LRP5: variants seen among roughly 807,000 people sequenced by gnomAD.
LRP5 encodes LDL receptor related protein 5.
LRP5 carries 62 observed loss-of-function variants against 154.1 expected under a neutral mutation model. That is an observed-to-expected ratio of 0.40 (90% CI 0.33 to 0.50). The LOEUF (loss-of-function observed/expected upper bound fraction) is 0.50, where lower values mean the gene tolerates loss of function less well. Ranked by LOEUF, LRP5 falls within the 20% of genes least tolerant of loss-of-function variation. LRP5 has a pLI of 0.55. For missense variants in LRP5, 1,915 were observed against 2,336.7 expected, an observed-to-expected ratio of 0.82 and a Z score of 3.72; for synonymous variants, 966 against 1,011.5, an observed-to-expected ratio of 0.96 and a Z score of 0.85.
At chr11:68,330,131 G>A (rs1591181779) in intron 1 of LRP5, among the ~76,000 whole-genome samples, 1 of 152,302 alleles carries the variant, frequency 6.6e-6, no homozygotes, top group East Asian at 1.9e-4. Context: ...GTGTGCACGT[G>A]TGTGTGCATG....
At chr11:68,364,079 C>G (rs2098629564) in intron 4 of LRP5, 136 bp downstream of exon 4, 1 of 566,876 alleles carries the variant, frequency 1.8e-6, no homozygotes, top group African/African-American at 2.0e-5. Flanking sequence ...TGACCCCTCC[C>G]TGCAGAAGCC....
intron 5 of LRP5, among the ~76,000 whole-genome samples, chr11:68,367,557 CAG>C (rs2098631755): frequency 6.6e-6 from 1 of 152,216 alleles, no homozygotes; most frequent in Admixed American, 6.5e-5. Context: ...TTGGCCTTCT[CAG>C]AGTTTGTTTT....
chr11:68,433,954 GGAGATTGCCAA>G lies in LRP5; in HGVS notation c.4000+118_4000+128del, dbSNP rs1315538200. 3.0e-6 allele frequency: 3 copies of G among 999,268 alleles called. No individual in the cohort carries two copies. The Admixed American group carries it at 6.0e-5, about 20-fold the overall frequency. 61.9% of individuals were successfully genotyped at this position (999,268 alleles called of 1,614,324 possible). ...GGGCTCTGAAAACCTTTGCTTGCAG[GGAGATTGCCAA>G]GTCTGTCTTTTAGGCCCAACAAGGA... is the stretch of plus-strand genomic sequence containing the variant. On this transcript the variant is annotated intron_variant, in intron 18 of 22. Transcript: ENST00000294304.
At chr11:68,338,866 A>ATTT (rs2098607158) in intron 1 of LRP5, among the ~76,000 whole-genome samples, 1 of 74,360 alleles carries the variant, frequency 1.3e-5, no homozygotes, top group Non-Finnish European at 2.6e-5. Context: ...GCTTTTGTTT[A>ATTT]GTTTTTTTTT....
intron 1 of LRP5, among the ~76,000 whole-genome samples, chr11:68,324,841 G>T (rs1202748034): frequency 1.3e-5 from 2 of 152,178 alleles, no homozygotes; most frequent in Admixed American, 6.5e-5. Flanking sequence ...CCTGGGTTGG[G>T]CATGACTGAC....
At chr11:68,355,866 A>G (rs2098622756) in intron 2 of LRP5, among the ~76,000 whole-genome samples, 1 of 151,124 alleles carries the variant, frequency 6.6e-6, no homozygotes, top group Non-Finnish European at 1.5e-5. Context: ...TTTGAGACGG[A>G]GTGTTGCTGT....
At chr11:68,437,727 C>T (rs556302087) in intron 19 of LRP5, among the ~76,000 whole-genome samples, 45 of 152,338 alleles carry the variant, frequency 3.0e-4, no homozygotes, top group Admixed American at 6.5e-5. Flanking sequence ...TTGGCACCTT[C>T]GTGCCAGGTC....
In LRP5 at chr11:68,348,004, C is replaced by T. The variant is rs375802434; in HGVS notation, c.249C>T (p.Ser83=). The T allele has an allele frequency of 1.6e-5, 26 of 1,614,008 alleles. No individual in the cohort carries two copies. The highest frequency in any genetic ancestry group is 1.1e-4 in the African/African-American group (8 of 74,928). The part of the protein sequence containing the change: ...SKGAVYWTDV[S]EEAIKQTYLN... The stretch of plus-strand genomic sequence containing the variant: ...GAGCCGTGTACTGGACAGACGTGAG[C>T]GAGGAGGCCATCAAGCAGACCTACC... Residue 83 remains serine (S), a synonymous_variant, in exon 2 of 23, where the codon AGC becomes AGT. Transcript: ENST00000294304.
intron 9 of LRP5, among the ~76,000 whole-genome samples, chr11:68,408,047 A>G (rs1441562756): frequency 6.6e-6 from 1 of 151,976 alleles, no homozygotes; most frequent in Non-Finnish European, 1.5e-5. Flanking sequence ...TTGCTCATTT[A>G]TTATTCTATG....
intron 1 of LRP5, among the ~76,000 whole-genome samples, chr11:68,325,468 A>G (rs992003711): frequency 6.6e-6 from 1 of 152,200 alleles, no homozygotes; most frequent in Non-Finnish European, 1.5e-5. Context: ...TTGGTCACCA[A>G]GGCATGCTGG....
At chr11:68,377,832 TTCTCAGCTTTCCCTGGA>T (rs1207861324) in intron 5 of LRP5, among the ~76,000 whole-genome samples, 1 of 151,446 alleles carries the variant, frequency 6.6e-6, no homozygotes, top group Non-Finnish European at 1.5e-5. Flanking sequence ...CAGAGGCCGA[TTCTCAGCTTTCCCTGGA>T]TCTCAGCTTT....
chr11:68,411,693 C>A, intron 11 of LRP5, 73 bp downstream of exon 11: 1 of 1,483,146 alleles, frequency 6.7e-7, no homozygotes, highest in Non-Finnish European at 9.1e-7. Flanking sequence ...CCAGCCTCGC[C>A]GCACATACCC....
the LRP5 span, among the ~76,000 whole-genome samples, chr11:68,304,740 G>A: frequency 1.3e-5 from 2 of 152,268 alleles, no homozygotes; most frequent in East Asian, 3.8e-4. Flanking sequence ...GTTTAAGGAG[G>A]TTATTTTGGA....
In LRP5 at chr11:68,423,726, C is replaced by T. The variant is rs745389628; in HGVS notation, c.3236+29C>T. On this transcript the variant is annotated intron_variant, in intron 14 of 22. Transcript: ENST00000294304. This position sits in a 1 kb window ranked among gnomAD's most constrained non-coding sequence, Gnocchi z 4.7. ...GGAGGCCAACGGGTGGGTGGGGGTG[C>T]TGCCCGTCCAGGCGTGCCCGCCGTG... The T allele has an allele frequency of 6.3e-7, 1 of 1,590,550 alleles. No individual in the cohort carries two copies. The highest frequency in any genetic ancestry group is 1.3e-5 in the African/African-American group (1 of 74,836).
rs895277894 is a variant in LRP5, at chr11:68,350,866, G to A, written c.488+2623G>A. Among the ~76,000 whole-genome samples the A allele has an allele frequency of 2.0e-5, 3 of 152,218 alleles. 1 individual carries two copies. Among genetic ancestry groups the A allele is most frequent in the Non-Finnish European group, 4.4e-5 (3 of 68,026 alleles). On this transcript the variant is annotated intron_variant, in intron 2 of 22. Coordinates refer to ENST00000294304, the MANE Select transcript of LRP5 (RefSeq NM_002335.4). ...CAGGCGTGTGTGTGTCTGAGCAACT[G>A]AGTGTGGGAGTGGGAGGATGTGAGC... is the stretch of plus-strand genomic sequence containing the variant.
Position 68,413,991 on chromosome 11 carries a change from C to T in LRP5, c.2806C>T (p.Pro936Ser). ...CGCASHYTLD[P>S]SSRNCSPPTT... ...CTGCGCCTCACACTACACCCTGGACCCCAGCAGCCGCAACTGCAGCCGTAA... is the reference window on the plus strand; with the variant it reads ...CTGCGCCTCACACTACACCCTGGACTCCAGCAGCCGCAACTGCAGCCGTAA... Residue 936 changes from proline (P) to serine (S), a missense_variant, in exon 12 of 23, where the codon CCC (proline) becomes TCC (serine). Physicochemically the swap from Pro to Ser is moderately conservative, Grantham distance 74. Coordinates refer to ENST00000294304, the MANE Select transcript of LRP5 (RefSeq NM_002335.4). The surrounding 1 kb of genome is among the most constrained non-coding windows in gnomAD (Gnocchi z 5.1). 1 of 1,604,462 alleles carries T rather than the reference C, an allele frequency of 6.2e-7. No individual in the cohort carries two copies. Among genetic ancestry groups the T allele is most frequent in the Non-Finnish European group, 8.5e-7 (1 of 1,179,770 alleles).
rs771647377 is a variant in LRP5, at chr11:68,446,444, C to T, written c.4497C>T (p.Asn1499=). 5.6e-6 allele frequency: 9 copies of T among 1,612,620 alleles called. No homozygotes were observed. Among genetic ancestry groups the T allele is most frequent in the Middle Eastern group, 3.3e-4 (2 of 6,080 alleles). The change falls in exon 22 of 23, where the codon AAC becomes AAT. Residue 1499 remains asparagine, a synonymous_variant. Coordinates refer to ENST00000294304, the MANE Select transcript of LRP5 (RefSeq NM_002335.4). The part of the protein sequence containing the change: ...TKATLYPPIL[N]PPPSPATDPS... ...GGCTTGGCTCTCCTCAGATCCTGAA[C>T]CCGCCGCCCTCCCCGGCCACGGACC...
intron 5 of LRP5, among the ~76,000 whole-genome samples, chr11:68,378,234 G>A (rs2098638453): frequency 6.6e-6 from 1 of 152,226 alleles, no homozygotes; most frequent in Non-Finnish European, 1.5e-5. Flanking sequence ...GACCTTCTGA[G>A]TTCCTGCACA....
At chr11:68,394,773 A>C (rs1014295392) in intron 7 of LRP5, among the ~76,000 whole-genome samples, 4 of 151,980 alleles carry the variant, frequency 2.6e-5, no homozygotes, top group Non-Finnish European at 5.9e-5. Flanking sequence ...CCGATTTCCC[A>C]CTTTAAGAAT....
Sources: allele counts gnomAD v4.1 joint callset (sites outside exome capture counted in the v4.1 genomes callset), GRCh38; gene constraint gnomAD v4.1.1; non-coding constraint Gnocchi (gnomAD v3.1); transcripts MANE v1.5; gene names NCBI Gene and HGNC (gene_info 2026-07-23, HGNC 2026-07-21).